IL16: variants seen among roughly 807,000 people sequenced by gnomAD.
IL16 encodes the protein interleukin 16, also known as pro-interleukin-16.
In IL16, 67 loss-of-function variants were observed where a neutral mutation model predicts 110.1. The observed-to-expected ratio is 0.61, with a 90% CI of 0.50 to 0.75. The LOEUF (loss-of-function observed/expected upper bound fraction) is 0.75. IL16 is among the 30% of genes least tolerant of loss of function. The pLI is 0.00. For missense variants in IL16, 1,545 were observed against 1,655.0 expected, an observed-to-expected ratio of 0.93 and a Z score of 1.15; for synonymous variants, 689 against 662.9, an observed-to-expected ratio of 1.04 and a Z score of -0.61.
chr15:81,289,728 A>G (rs907537721), intron 10 of IL16, among the ~76,000 whole-genome samples: 10 of 152,200 alleles, frequency 6.6e-5, no homozygotes, highest in African/African-American at 2.4e-4. Context: ...CTCCAATTCT[A>G]TGAGTTGCCT....
intron 2 of IL16, among the ~76,000 whole-genome samples, chr15:81,228,061 G>A (rs60376518): frequency 0.049 from 7,406 of 152,162 alleles, 637 homozygotes; most frequent in African/African-American, 0.17. Context: ...GTACTAAGCA[G>A]AGGTGGAGGG....
chr15:81,220,503 TA>T (rs1896577767), intron 1 of IL16, among the ~76,000 whole-genome samples: 1 of 152,200 alleles, frequency 6.6e-6, no homozygotes, highest in Non-Finnish European at 1.5e-5. Context: ...CTTCATTTCT[TA>T]TCATTGAGTT....
At chr15:81,189,834 G>T (rs1895471532) in intron 1 of IL16, among the ~76,000 whole-genome samples, 2 of 152,206 alleles carry the variant, frequency 1.3e-5, no homozygotes. Context: ...TACTTATTGA[G>T]TCAGTCATGT....
Position 81,278,906 on chromosome 15 carries a change from C to T in IL16, c.864+16C>T. The T allele has an allele frequency of 4.5e-6, 7 of 1,570,660 alleles. No individual in the cohort carries two copies. Among genetic ancestry groups the T allele is most frequent in the Non-Finnish European group, 6.1e-6 (7 of 1,140,552 alleles). ...GAAGTTCAAGGTGACCATTTCTTAT[C>T]AACACGTGACCAAACTCTGGGGCCT... On this transcript the variant is annotated intron_variant, in intron 7 of 18. Transcript: ENST00000683961.
At chr15:81,282,488 G>A in intron 8 of IL16, 151 bp from the exon 9 acceptor site, 1 of 665,184 alleles carries the variant, frequency 1.5e-6, no homozygotes, top group South Asian at 1.7e-5. Flanking sequence ...TGACCCTAGA[G>A]CGGTGCCTGC....
intron 1 of IL16, among the ~76,000 whole-genome samples, chr15:81,219,708 C>A (rs561189789): frequency 6.6e-6 from 1 of 152,232 alleles, no homozygotes; most frequent in African/African-American, 2.4e-5. Flanking sequence ...TGAGGTCAGC[C>A]CACTGTGGCT....
chr15:81,311,965 C>T lies in IL16; in HGVS notation c.*3167C>T, dbSNP rs1900879669. ...CATTTAAGAGACAGTCACCCCAGGACTCAAAAATAGGGAAGTAACAGTAAC... is the reference window on the plus strand; with the variant it reads ...CATTTAAGAGACAGTCACCCCAGGATTCAAAAATAGGGAAGTAACAGTAAC... On this transcript the variant is annotated 3_prime_UTR_variant, in exon 19 of 19. Coordinates refer to ENST00000683961, the MANE Select transcript of IL16 (RefSeq NM_172217.5). The T allele has an allele frequency of 6.6e-6, 1 of 152,210 alleles. No homozygotes were observed. The highest frequency in any genetic ancestry group is 2.1e-4 in the South Asian group (1 of 4,830). 9.4% of individuals were successfully genotyped at this position (152,210 alleles called of 1,614,324 possible). A position where few individuals can be genotyped will look rare whatever the true frequency, so the allele number is the denominator to read the frequency against.
intron 2 of IL16, among the ~76,000 whole-genome samples, chr15:81,248,765 G>A (rs1897661219): frequency 7.6e-6 from 1 of 130,992 alleles, no homozygotes; most frequent in Admixed American, 8.5e-5. Context: ...CTATCACCCA[G>A]GCTGGAGCGC....
rs750231711 is a variant in IL16 at position 81,303,605 on chromosome 15, G to A, written c.3375G>A (p.Gly1125=). The stretch of plus-strand genomic sequence containing the variant: ...ACAAGGAGGAAGGTGCTGGTCTTGG[G>A]TTCAGCTTGGCAGGAGGAGCAGATC... ...ILHKEEGAGL[G]FSLAGGADLE... The change falls in exon 16 of 19, where the codon GGG becomes GGA. Residue 1125 remains glycine (G), a synonymous_variant. Transcript: ENST00000683961. This position sits in a 1 kb window ranked among gnomAD's most constrained non-coding sequence, Gnocchi z 4.1. The A allele has an allele frequency of 6.2e-7, 1 of 1,614,156 alleles. No homozygotes were observed. Among genetic ancestry groups the A allele is most frequent in the Non-Finnish European group, 8.5e-7 (1 of 1,179,952 alleles).
intron 2 of IL16, among the ~76,000 whole-genome samples, chr15:81,245,786 A>G (rs987076258): frequency 7.4e-6 from 1 of 134,820 alleles, no homozygotes; most frequent in African/African-American, 3.0e-5. Context: ...GCCAGCTGCA[A>G]TTCTGGAATA....
At position 81,303,507 on chromosome 15, in the gene IL16, C is replaced by T. The variant is rs1900398031; in HGVS notation, c.3319-42C>T. 1 of 1,310,406 alleles carries T rather than the reference C, an allele frequency of 7.6e-7. No homozygotes were observed. Among genetic ancestry groups the T allele is most frequent in the Non-Finnish European group, 1.1e-6 (1 of 904,560 alleles). 81.2% of individuals were successfully genotyped at this position (1,310,406 alleles called of 1,614,324 possible). A position where few individuals can be genotyped will look rare whatever the true frequency, so the allele number is the denominator to read the frequency against. Reference sequence around the variant, plus strand: ...AGTCCGATGTTAAATTGTTCATCCTCTTGCAGTAAAATGTTTTTGAATGTA... The same window carrying T: ...AGTCCGATGTTAAATTGTTCATCCTTTTGCAGTAAAATGTTTTTGAATGTA... On this transcript the variant is annotated intron_variant, in intron 15 of 18. Coordinates refer to ENST00000683961, the MANE Select transcript of IL16 (RefSeq NM_172217.5). This position sits in a 1 kb window ranked among gnomAD's most constrained non-coding sequence, Gnocchi z 4.1.
At chr15:81,277,888 T>C (rs900181013) in intron 6 of IL16, among the ~76,000 whole-genome samples, 2 of 152,182 alleles carry the variant, frequency 1.3e-5, no homozygotes, top group Non-Finnish European at 2.9e-5. Flanking sequence ...AAGTGCTCCC[T>C]GTTTGTGTAT....
upstream of IL16, among the ~76,000 whole-genome samples, chr15:81,194,593 G>A (rs955089085): frequency 4.6e-5 from 7 of 151,770 alleles, no homozygotes; most frequent in African/African-American, 1.7e-4. Flanking sequence ...ATAAAATTTT[G>A]TAATTAAAAA....
Position 81,306,468 on chromosome 15 carries a change from G to A in IL16, c.3728G>A (p.Gly1243Glu). Residue 1243 changes from glycine to glutamate, a missense_variant, in exon 18 of 19, where the codon GGG becomes GAG. Around this residue, in one of 3 missense-constraint regions of IL16, gnomAD observed 356 missense variants for 399.3 expected, o/e 0.89. Transcript: ENST00000683961. ...CTVTLEKMSA[G>E]LGFSLEGGKG... ...GTGACACTGGAGAAGATGTCGGCAG[G>A]GCTGGGCTTCAGCCTGGAAGGAGGG... 1 of 1,613,790 alleles carries A rather than the reference G, an allele frequency of 6.2e-7. No individual in the cohort carries two copies. Among genetic ancestry groups the A allele is most frequent in the Non-Finnish European group, 8.5e-7 (1 of 1,179,958 alleles).
At chr15:81,219,471 A>C (rs953603802) in intron 1 of IL16, among the ~76,000 whole-genome samples, 1 of 151,906 alleles carries the variant, frequency 6.6e-6, no homozygotes. Flanking sequence ...GGTAATATAT[A>C]CTGATTGGGA....
Position 81,306,454 on chromosome 15 carries a change from G to A in IL16, c.3714G>A (p.Glu1238=), listed in dbSNP as rs1425519827. ...CCACAGTCTGCACGGTGACACTGGA[G>A]AAGATGTCGGCAGGGCTGGGCTTCA... ...AEATVCTVTL[E]KMSAGLGFSL... is the part of the protein sequence containing the mutation. The change falls in exon 18 of 19, where the codon GAG becomes GAA. Residue 1238 remains glutamate, a synonymous_variant. Coordinates refer to ENST00000683961, the MANE Select transcript of IL16 (RefSeq NM_172217.5). 6.2e-6 allele frequency: 10 copies of A among 1,613,408 alleles called. No individual in the cohort carries two copies. The highest frequency in any genetic ancestry group is 7.6e-6 in the Non-Finnish European group (9 of 1,179,562).
chr15:81,250,264 A>C (rs1442168245), intron 2 of IL16, among the ~76,000 whole-genome samples: 2 of 152,000 alleles, frequency 1.3e-5, no homozygotes, highest in Admixed American at 6.6e-5. Context: ...CTGCCTCCTG[A>C]GTTCAAGTGA....
At chr15:81,278,958 A>T (rs1899041118) in intron 7 of IL16, 68 bp downstream of exon 7, 1 of 1,022,746 alleles carries the variant, frequency 9.8e-7, no homozygotes, top group Non-Finnish European at 1.6e-6. Flanking sequence ...AGCTCTCAGC[A>T]TCCAAACCTA....
rs1355605869 is a variant in IL16, at chr15:81,301,394, A to T, written c.3200A>T (p.Asp1067Val). ...GAGGGTCTCACGGAAGCCAAGGAAG[A>T]CGATGATGGGGACCACAGTTCCCTT... The part of the protein sequence containing the change: ...YTEGLTEAKE[D>V]DDGDHSSLQS... The change falls in exon 15 of 19, where the codon GAC (aspartate) becomes GTC (valine). Residue 1067 changes from aspartate to valine, a missense_variant. Physicochemically the swap from Asp to Val is radical, Grantham distance 152. Transcript: ENST00000683961. 2 of 1,614,010 alleles carry T rather than the reference A, an allele frequency of 1.2e-6. No homozygotes were observed. Among genetic ancestry groups the T allele is most frequent in the South Asian group, 2.2e-5 (2 of 91,054 alleles).
Sources: allele counts gnomAD v4.1 joint callset (sites outside exome capture counted in the v4.1 genomes callset), GRCh38; gene constraint gnomAD v4.1.1; regional missense constraint gnomAD v4.1.1; non-coding constraint Gnocchi (gnomAD v3.1); transcripts MANE v1.5; gene names NCBI Gene and HGNC (gene_info 2026-07-23, HGNC 2026-07-21).